Variants in SUGCT observed in about 807,000 individuals in gnomAD.
The protein encoded by SUGCT is succinyl-CoA:glutarate CoA-transferase.
A neutral mutation model predicts 55.0 loss-of-function variants in SUGCT; 41 were observed. That is an observed-to-expected ratio of 0.74 (90% CI 0.58 to 0.97). The LOEUF (loss-of-function observed/expected upper bound fraction) is 0.97, where lower values mean the gene tolerates loss of function less well. Among genes scored for constraint, SUGCT ranks in the 50% least tolerant of loss-of-function variants. The pLI is 0.00. For synonymous variants in SUGCT, 187 were observed against 200.4 expected (o/e 0.93, Z 0.56); for missense variants, 568 against 547.8 (o/e 1.04, Z -0.37).
At chr7:40,644,368 A>C (rs921195900) in intron 12 of SUGCT, among the ~76,000 whole-genome samples, 1 of 152,000 alleles carries the variant, frequency 6.6e-6, no homozygotes, top group African/African-American at 2.4e-5. Flanking sequence ...GCCCACAGCT[A>C]CCCCTCAATC....
chr7:40,576,858 T>C (rs1283889634), intron 12 of SUGCT, among the ~76,000 whole-genome samples: 2 of 152,172 alleles, frequency 1.3e-5, no homozygotes, highest in African/African-American at 4.8e-5. Flanking sequence ...TGCTCAAGCA[T>C]CAGATTTCCC....
intron 12 of SUGCT, among the ~76,000 whole-genome samples, chr7:40,524,160 C>T (rs1329655292): frequency 6.6e-6 from 1 of 151,946 alleles, no homozygotes; most frequent in Non-Finnish European, 1.5e-5. Context: ...ATTTGTTTTC[C>T]GAATGAGATC....
chr7:40,521,943 G>T (rs1239952296), intron 12 of SUGCT, among the ~76,000 whole-genome samples: 4 of 152,046 alleles, frequency 2.6e-5, no homozygotes, highest in Non-Finnish European at 4.4e-5. Context: ...TTGTTTCTCG[G>T]CTGGATATTT....
chr7:40,179,355 G>T (rs951037528), intron 1 of SUGCT, among the ~76,000 whole-genome samples: 1 of 151,416 alleles, frequency 6.6e-6, no homozygotes, highest in African/African-American at 2.4e-5. Flanking sequence ...GTGCAATGGC[G>T]CCATCTCAGA....
the SUGCT span, among the ~76,000 whole-genome samples, chr7:41,034,719 G>T: frequency 6.6e-6 from 1 of 152,280 alleles, no homozygotes; most frequent in African/African-American, 2.4e-5. Flanking sequence ...ATCCTTCTTA[G>T]CTTCTTTTCT....
intron 13 of SUGCT, among the ~76,000 whole-genome samples, chr7:40,756,537 A>T (rs1177530574): frequency 6.6e-6 from 1 of 152,136 alleles, no homozygotes; most frequent in African/African-American, 2.4e-5. Context: ...TCTTCTCTTT[A>T]GGTAGAAAAT....
chr7:40,862,323 C>T (rs565831729), downstream of SUGCT, among the ~76,000 whole-genome samples: 97 of 152,268 alleles, frequency 6.4e-4, no homozygotes, highest in African/African-American at 2.2e-3. Flanking sequence ...ACTCCACCTA[C>T]GCAAGTCAAA....
intron 12 of SUGCT, among the ~76,000 whole-genome samples, chr7:40,576,669 A>G (rs1236264024): frequency 6.6e-6 from 1 of 152,190 alleles, no homozygotes; most frequent in Non-Finnish European, 1.5e-5. Flanking sequence ...TGTATAGGCA[A>G]CAGCTTGGCT....
chr7:40,273,582 C>T (rs1275357598), intron 7 of SUGCT, among the ~76,000 whole-genome samples: 1 of 152,156 alleles, frequency 6.6e-6, no homozygotes, highest in Non-Finnish European at 1.5e-5. Flanking sequence ...AACATCTTTA[C>T]ATATGGGCCA....
intron 11 of SUGCT, among the ~76,000 whole-genome samples, chr7:40,464,603 G>A (rs1790000004): frequency 6.6e-6 from 1 of 152,202 alleles, no homozygotes; most frequent in Non-Finnish European, 1.5e-5. Context: ...ATGTGGTAAA[G>A]TGGTACACAT....
chr7:40,390,749 C>A (rs1043893084), intron 9 of SUGCT, among the ~76,000 whole-genome samples: 1 of 152,154 alleles, frequency 6.6e-6, no homozygotes, highest in African/African-American at 2.4e-5. Flanking sequence ...CATCAAGCTA[C>A]CAATGACTTT....
chr7:40,786,008 A>G (rs1380543653), intron 13 of SUGCT, among the ~76,000 whole-genome samples: 1 of 152,216 alleles, frequency 6.6e-6, no homozygotes, highest in East Asian at 1.9e-4. Flanking sequence ...TTGAGGCAAG[A>G]GGATTGCTTG....
chr7:40,249,335 A>ATCTATC (rs1790176914), intron 7 of SUGCT, among the ~76,000 whole-genome samples: 1 of 124,108 alleles, frequency 8.1e-6, no homozygotes, highest in Non-Finnish European at 1.7e-5. Flanking sequence ...ATATATATAT[A>ATCTATC]TATATATATA....
intron 9 of SUGCT, among the ~76,000 whole-genome samples, chr7:40,382,393 A>G (rs1036541219): frequency 6.6e-6 from 1 of 152,202 alleles, no homozygotes; most frequent in Admixed American, 6.5e-5. Flanking sequence ...CCTTGAGGGC[A>G]CATGAGTCTC....
intron 10 of SUGCT, among the ~76,000 whole-genome samples, chr7:40,453,079 C>T (rs145086735): frequency 2.3e-3 from 356 of 152,192 alleles, no homozygotes; most frequent in Non-Finnish European, 3.4e-3. Context: ...TCTTTATTCC[C>T]GGTGCAAAGA....
chr7:40,966,050 T>G, the SUGCT span: 2 of 152,242 alleles, frequency 1.3e-5, no homozygotes, highest in Admixed American at 1.3e-4. Flanking sequence ...TATCTCTATT[T>G]GCATAGGACT....
intron 11 of SUGCT, among the ~76,000 whole-genome samples, chr7:40,477,117 T>A (rs912231056): frequency 1.3e-5 from 2 of 152,238 alleles, no homozygotes; most frequent in African/African-American, 4.8e-5. Context: ...ATGTTTCTCA[T>A]AATAATGCTA....
chr7:40,616,707 A>G (rs1431896542), intron 12 of SUGCT, among the ~76,000 whole-genome samples: 1 of 152,212 alleles, frequency 6.6e-6, no homozygotes, highest in Non-Finnish European at 1.5e-5. Flanking sequence ...CATAAGGACT[A>G]TTGTCCTTCA....
Position 40,545,648 on chromosome 7 carries a change from TGGTTTGTGTGTCCA to T in SUGCT, c.1089+49267_1089+49280del, listed in dbSNP as rs1055350232. Among the ~76,000 whole-genome samples, 3 of 152,196 alleles carry T rather than the reference TGGTTTGTGTGTCCA, an allele frequency of 2.0e-5. 1 individual carries two copies. The highest frequency in any genetic ancestry group is 2.9e-5 in the Non-Finnish European group (2 of 68,030). On this transcript the variant is annotated intron_variant, in intron 12 of 13. Transcript: ENST00000335693. The stretch of plus-strand genomic sequence containing the variant: ...AGAATAATTTTATGAAAGTAAGAGT[TGGTTTGTGTGTCCA>T]GGTTCTAAGAGATCAGATAACAGGC...
Sources: gnomAD v4.1 joint callset for allele counts (sites outside exome capture counted in the v4.1 genomes callset) on GRCh38, gnomAD v4.1.1 for gene constraint, MANE v1.5 for transcripts, NCBI Gene and HGNC (gene_info 2026-07-23, HGNC 2026-07-21) for gene names.